Variants in ZFYVE28 observed in about 807,000 individuals in gnomAD.
The protein encoded by ZFYVE28 is zinc finger FYVE-type containing 28.
In ZFYVE28, 40 loss-of-function variants were observed where a neutral mutation model predicts 82.1. That is an observed-to-expected ratio of 0.49 (90% CI 0.38 to 0.63). The LOEUF is 0.63. Among genes scored for constraint, ZFYVE28 ranks in the 30% least tolerant of loss-of-function variants. ZFYVE28 has a pLI of 0.00. For synonymous variants in ZFYVE28, 612 were observed against 546.1 expected (o/e 1.12, Z -1.68); for missense variants, 1,321 against 1,242.1 (o/e 1.06, Z -0.96).
In ZFYVE28 at chr4:2,320,846, TCCCCTC is replaced by T. The variant is rs2108838115; in HGVS notation, c.702-581_702-576del. On this transcript the variant is annotated intron_variant, in intron 6 of 12. Coordinates refer to ENST00000290974, the MANE Select transcript of ZFYVE28 (RefSeq NM_020972.3). The surrounding 1 kb of genome is among the most constrained non-coding windows in gnomAD (Gnocchi z 5.1). Reference sequence around the variant, plus strand: ...TGGTGCCCACCATGCCCCGAGAAGCTCCCCTCCCCAGGACTGGGGCCGCATGTGGCT... The same window carrying T: ...TGGTGCCCACCATGCCCCGAGAAGCTCCCAGGACTGGGGCCGCATGTGGCT... Among the ~76,000 whole-genome samples the T allele has an allele frequency of 6.6e-6, 1 of 151,064 alleles. No homozygotes were observed. Among genetic ancestry groups the T allele is most frequent in the Non-Finnish European group, 1.5e-5 (1 of 67,704 alleles).
At chr4:2,330,740 GAC>G (rs1016369708) in intron 6 of ZFYVE28, 1 of 1,477,416 alleles carries the variant, frequency 6.8e-7, no homozygotes, top group Non-Finnish European at 8.9e-7. Context: ...TGGAAAAGGG[GAC>G]AGTGCGGGGG....
chr4:2,318,270 T>C (rs945212523), intron 7 of ZFYVE28, among the ~76,000 whole-genome samples: 1 of 152,104 alleles, frequency 6.6e-6, no homozygotes, highest in Non-Finnish European at 1.5e-5. Flanking sequence ...AAAAGCAGGA[T>C]CTTTTGGCTG....
At chr4:2,326,710 G>A (rs1319762864) in intron 6 of ZFYVE28, among the ~76,000 whole-genome samples, 1 of 152,084 alleles carries the variant, frequency 6.6e-6, no homozygotes, top group Non-Finnish European at 1.5e-5. Flanking sequence ...TGATTTCATT[G>A]ATGTTTTATA....
rs748262028 is a variant in ZFYVE28, at chr4:2,273,156, C to T, written c.2323+17G>A. ...CACCAGCGCAGGCCTCAGAGCCCGT[C>T]CTGAGTGGGCACTCACCCTTCCTTA... On this transcript the variant is annotated intron_variant, in intron 10 of 12. Transcript: ENST00000290974. The T allele has an allele frequency of 6.2e-7, 1 of 1,603,756 alleles. No individual in the cohort carries two copies. The highest frequency in any genetic ancestry group is 8.5e-7 in the Non-Finnish European group (1 of 1,172,398).
chr4:2,353,217 G>T (rs1432793671), intron 2 of ZFYVE28, among the ~76,000 whole-genome samples: 1 of 152,238 alleles, frequency 6.6e-6, no homozygotes, highest in Admixed American at 6.5e-5. Flanking sequence ...GCCAGGGCTG[G>T]GGTGCAGCCA....
At position 2,276,072 on chromosome 4, in the gene ZFYVE28, C is replaced by T. The variant is rs1736407153; in HGVS notation, c.2052-1856G>A. ...CTGGTATCTAATTTAGGGACACAGC[C>T]TCGTGACGTAAACCCTGCAGAAGCA... On this transcript the variant is annotated intron_variant, in intron 8 of 12. Coordinates refer to ENST00000290974, the MANE Select transcript of ZFYVE28 (RefSeq NM_020972.3). Among the ~76,000 whole-genome samples the T allele has an allele frequency of 2.6e-5, 4 of 152,242 alleles. 1 individual carries two copies. The South Asian group carries it at 6.2e-4, about 24-fold the overall frequency.
chr4:2,329,427 A>T (rs1332380604), intron 6 of ZFYVE28, among the ~76,000 whole-genome samples: 1 of 152,234 alleles, frequency 6.6e-6, no homozygotes, highest in African/African-American at 2.4e-5. Context: ...ATGGAATATT[A>T]TTCAGCCTTA....
rs9999316 is a variant in ZFYVE28 at position 2,408,587 on chromosome 4, G to C, written c.39+9698C>G. 6.6e-6 allele frequency among the ~76,000 whole-genome samples: 1 copy of C among 152,082 alleles called. No individual in the cohort carries two copies. Among genetic ancestry groups the C allele is most frequent in the Non-Finnish European group, 1.5e-5 (1 of 67,988 alleles). ...CTGAAGCTCCGCCCAGTTGGGCCCC[G>C]CCCAGGTAAGCCCCATCTAGATGAA... On this transcript the variant is annotated intron_variant, in intron 1 of 12. Transcript: ENST00000290974. The surrounding 1 kb of genome is among the most constrained non-coding windows in gnomAD (Gnocchi z 4.3).
At chr4:2,397,896 G>A (rs1033450108) in intron 1 of ZFYVE28, among the ~76,000 whole-genome samples, 3 of 152,092 alleles carry the variant, frequency 2.0e-5, no homozygotes, top group Admixed American at 6.5e-5. Flanking sequence ...TGGAGGCCAC[G>A]CCTACAGGAT....
chr4:2,355,620 C>T (rs1457207262), intron 1 of ZFYVE28, among the ~76,000 whole-genome samples: 1 of 151,946 alleles, frequency 6.6e-6, no homozygotes, highest in Non-Finnish European at 1.5e-5. Flanking sequence ...CTCTGTTGCC[C>T]AGGCTGGAGT....
intron 1 of ZFYVE28, among the ~76,000 whole-genome samples, chr4:2,381,893 G>C (rs560953784): frequency 1.3e-5 from 2 of 152,358 alleles, no homozygotes; most frequent in African/African-American, 4.8e-5. Context: ...AGGGGAAAAT[G>C]GTTTCATGGG....
At chr4:2,404,309 C>CAAAAAA (rs55924862) in intron 1 of ZFYVE28, among the ~76,000 whole-genome samples, 1,194 of 65,312 alleles carry the variant, frequency 0.018, 129 homozygotes, top group Non-Finnish European at 0.022. Context: ...GACTCCGCCT[C>CAAAAAA]AAAAAAAAAA....
At position 2,335,721 on chromosome 4, in the gene ZFYVE28, TG is replaced by T; in HGVS notation, c.684del (p.Arg229GlyfsTer16). On this transcript the variant is annotated frameshift_variant, in exon 6 of 13. Transcript: ENST00000290974. LOFTEE classifies it high-confidence loss of function. The surrounding 1 kb of genome is among the most constrained non-coding windows in gnomAD (Gnocchi z 5.8). ...GGCACTCACCACACGATGGCCAGCC[TG>T]GGGATGCTGAACATGAGGGCCGGCT... ...DYEPALMFSI[P>X]RLAIVCGLVV... 6.3e-7 allele frequency: 1 copy of T among 1,575,950 alleles called. No homozygotes were observed. The highest frequency in any genetic ancestry group is 8.6e-7 in the Non-Finnish European group (1 of 1,160,736).
At position 2,358,887 on chromosome 4, in the gene ZFYVE28, C is replaced by T. The variant is rs972403167; in HGVS notation, c.40-4814G>A. ...TGTGATCACAGCTCACTGCAACCTC[C>T]GCCTCCTGGGTTCAAGTGATCCTCC... is the stretch of plus-strand genomic sequence containing the variant. On this transcript the variant is annotated intron_variant, in intron 1 of 12. Coordinates refer to ENST00000290974, the MANE Select transcript of ZFYVE28 (RefSeq NM_020972.3). Among the ~76,000 whole-genome samples, 7 of 152,034 alleles carry T rather than the reference C, an allele frequency of 4.6e-5. No individual in the cohort carries two copies. In the East Asian group the frequency reaches 7.7e-4, roughly 17 times the overall value.
chr4:2,339,675 C>T lies in ZFYVE28; in HGVS notation c.319-20G>A. ...CAGGCACTGCGGGAGGGGACACACT[C>T]AGGGAGGGGCCCGGGTGAGGGCCAG... On this transcript the variant is annotated intron_variant, in intron 3 of 12. Transcript: ENST00000290974. The surrounding 1 kb of genome is among the most constrained non-coding windows in gnomAD (Gnocchi z 5.0). 1 of 1,574,074 alleles carries T rather than the reference C, an allele frequency of 6.4e-7. No homozygotes were observed. The highest frequency in any genetic ancestry group is 2.3e-5 in the East Asian group (1 of 43,270).
At chr4:2,309,006 C>T (rs1408899886) in intron 7 of ZFYVE28, among the ~76,000 whole-genome samples, 1 of 152,192 alleles carries the variant, frequency 6.6e-6, no homozygotes, top group East Asian at 1.9e-4. Context: ...ACTGGCACTA[C>T]CATAGGTGGT....
At chr4:2,288,019 C>G (rs932899120) in intron 8 of ZFYVE28, among the ~76,000 whole-genome samples, 1 of 152,132 alleles carries the variant, frequency 6.6e-6, no homozygotes, top group Non-Finnish European at 1.5e-5. Context: ...CTCCCTCCAC[C>G]CCCACTCCTG....
At chr4:2,388,620 G>T (rs1437993643) in intron 1 of ZFYVE28, among the ~76,000 whole-genome samples, 1 of 152,148 alleles carries the variant, frequency 6.6e-6, no homozygotes, top group Admixed American at 6.5e-5. Flanking sequence ...ACATAGGAGA[G>T]CTTAGGAGAA....
At chr4:2,293,333 T>C (rs957645041) in intron 8 of ZFYVE28, among the ~76,000 whole-genome samples, 4 of 152,276 alleles carry the variant, frequency 2.6e-5, no homozygotes, top group East Asian at 1.9e-4. Flanking sequence ...GGACGTACAA[T>C]TGAAAACAAG....
Sources: gnomAD v4.1 joint callset for allele counts (sites outside exome capture counted in the v4.1 genomes callset) on GRCh38, gnomAD v4.1.1 for gene constraint, Gnocchi (gnomAD v3.1) non-coding constraint, MANE v1.5 for transcripts, NCBI Gene and HGNC (gene_info 2026-07-23, HGNC 2026-07-21) for gene names.